SNX14: variants seen among roughly 807,000 people sequenced by gnomAD.
SNX14 encodes the protein sorting nexin-14.
A neutral mutation model predicts 133.8 loss-of-function variants in SNX14; 93 were observed. The observed-to-expected ratio is 0.70, with a 90% confidence interval of 0.59 to 0.83. The LOEUF (loss-of-function observed/expected upper bound fraction) is 0.83, where lower values mean the gene tolerates loss of function less well. SNX14 is among the 40% of genes least tolerant of loss of function. The pLI is 0.00. For missense variants in SNX14, 945 were observed against 1,094.9 expected (o/e 0.86, Z 1.93); for synonymous variants, 368 against 365.6 (o/e 1.01, Z -0.07).
chr6:85,528,324 T>C lies in SNX14; in HGVS notation c.1933A>G (p.Ile645Val), dbSNP rs1444942532. The change falls in exon 20 of 29, where the codon ATT becomes GTT. Residue 645 changes from isoleucine (I) to valine (V), a missense_variant. Coordinates refer to ENST00000314673, the MANE Select transcript of SNX14 (RefSeq NM_153816.6). ...AAGAATTCATAATTTTTGGGGCCAATGATCCTCTTAGAAGGAAGCTGGGCA... is the reference window on the plus strand; with the variant it reads ...AAGAATTCATAATTTTTGGGGCCAACGATCCTCTTAGAAGGAAGCTGGGCA... Reference protein sequence around the residue: ...PDAQLPSKRIIGPKNYEFLKS... With the variant: ...PDAQLPSKRIVGPKNYEFLKS... 7 of 1,613,322 alleles carry C rather than the reference T, an allele frequency of 4.3e-6. No homozygotes were observed. The highest frequency in any genetic ancestry group is 5.9e-6 in the Non-Finnish European group (7 of 1,179,664).
At chr6:85,528,984 G>A (rs1210747121) in intron 19 of SNX14, among the ~76,000 whole-genome samples, 1 of 151,348 alleles carries the variant, frequency 6.6e-6, no homozygotes, top group Non-Finnish European at 1.5e-5. Flanking sequence ...CCTGAGAGGT[G>A]GAGGTTGCTG....
intron 18 of SNX14, among the ~76,000 whole-genome samples, chr6:85,532,573 T>A (rs181977490): frequency 6.6e-6 from 1 of 152,342 alleles, no homozygotes. Context: ...ATTGCCACTT[T>A]TTTTCCTTCT....
At chr6:85,514,677 T>G (rs370786804) in intron 23 of SNX14, 48 bp from the exon 24 acceptor site, 1 of 1,559,688 alleles carries the variant, frequency 6.4e-7, no homozygotes, top group African/African-American at 1.4e-5. Flanking sequence ...TTATTACATC[T>G]GCTGACGATA....
At position 85,572,487 on chromosome 6, in the gene SNX14, T is replaced by C; in HGVS notation, c.262-113A>G. 3 of 792,906 alleles carry C rather than the reference T, an allele frequency of 3.8e-6. No homozygotes were observed. In the South Asian group the frequency reaches 5.4e-5, roughly 14 times the overall value. The allele number at this position is 792,906 out of a possible 1,614,324, so 49.1% of individuals were successfully genotyped here. On this transcript the variant is annotated intron_variant, in intron 2 of 28. Coordinates refer to ENST00000314673, the MANE Select transcript of SNX14 (RefSeq NM_153816.6). ...AATCAATGTATAAATTCAAAGAACA[T>C]TTTTTGTCTACTTTAACAGTGAAAT...
intron 6 of SNX14, chr6:85,561,445 T>C (rs1224654411): frequency 6.6e-6 from 1 of 152,242 alleles, no homozygotes; most frequent in African/African-American, 2.4e-5. Flanking sequence ...AAAATTAATT[T>C]TGATAAATCA....
intron 26 of SNX14, among the ~76,000 whole-genome samples, chr6:85,509,106 G>T (rs891402228): frequency 3.3e-5 from 5 of 152,118 alleles, no homozygotes; most frequent in African/African-American, 1.2e-4. Context: ...CATCCTTCAG[G>T]TGTCACTAAG....
At chr6:85,576,729 G>A (rs1362096031) in intron 1 of SNX14, among the ~76,000 whole-genome samples, 3 of 152,138 alleles carry the variant, frequency 2.0e-5, no homozygotes, top group African/African-American at 7.2e-5. Flanking sequence ...TGTGTTTCTG[G>A]GGCCCAGCTA....
intron 19 of SNX14, among the ~76,000 whole-genome samples, 188 bp downstream of exon 19, chr6:85,530,004 C>G (rs1353089946): frequency 6.6e-6 from 1 of 151,998 alleles, no homozygotes; most frequent in Non-Finnish European, 1.5e-5. Context: ...ATTGCAAGAA[C>G]TTTAAATATA....
At chr6:85,524,873 C>T (rs1778078302) in intron 21 of SNX14, among the ~76,000 whole-genome samples, 1 of 151,734 alleles carries the variant, frequency 6.6e-6, no homozygotes, top group Non-Finnish European at 1.5e-5. Flanking sequence ...TGGAGGCATG[C>T]CAGGGGTTTA....
Position 85,533,609 on chromosome 6 carries a change from A to T in SNX14, c.1800T>A (p.Asp600Glu). ...CAGAAAGCTTCCTACCTGCTCTTCT[A>T]TCATTTCTTTCAACATCAATACAAA... Reference protein sequence around the residue: ...PVFCIDVERNDRRAVGHEPEH... With the variant: ...PVFCIDVERNERRAVGHEPEH... Residue 600 changes from aspartate (D) to glutamate (E), a missense_variant, in exon 18 of 29, where the codon GAT (aspartate) becomes GAA (glutamate). Transcript: ENST00000314673. The T allele has an allele frequency of 6.2e-7, 1 of 1,612,938 alleles. No individual in the cohort carries two copies. The highest frequency in any genetic ancestry group is 1.1e-5 in the South Asian group (1 of 91,026).
At chr6:85,549,648 C>T in intron 8 of SNX14, 75 bp downstream of exon 8, 3 of 1,329,082 alleles carry the variant, frequency 2.3e-6, no homozygotes, top group Non-Finnish European at 3.0e-6. Flanking sequence ...TAGCATATGC[C>T]TATCATAACC....
chr6:85,537,225 G>A (rs549121649), intron 16 of SNX14, among the ~76,000 whole-genome samples: 1 of 152,074 alleles, frequency 6.6e-6, no homozygotes, highest in South Asian at 2.1e-4. Context: ...ATTTTTAAAA[G>A]ATGAGAGCCC....
At position 85,513,860 on chromosome 6, in the gene SNX14, G is replaced by A. The variant is rs1230523492; in HGVS notation, c.2593C>T (p.Leu865Phe). The A allele has an allele frequency of 1.2e-6, 2 of 1,612,956 alleles. No individual in the cohort carries two copies. Among genetic ancestry groups the A allele is most frequent in the Non-Finnish European group, 1.7e-6 (2 of 1,179,818 alleles). Reference protein sequence around the residue: ...IFCENTEPRSLQDKQKGAKQT... With the variant: ...IFCENTEPRSFQDKQKGAKQT... The stretch of plus-strand genomic sequence containing the variant: ...TTTGCTCCTTTTTGCTTATCTTGGA[G>A]AGAGCGAGGTTCAGTGTTTTCACAG... Residue 865 changes from leucine (L) to phenylalanine (F), a missense_variant, in exon 26 of 29, where the codon CTC (leucine) becomes TTC (phenylalanine). Leu to Phe is a conservative substitution (Grantham distance 22). This residue lies in a region of SNX14 where 412 missense variants were observed against 516.6 expected (regional missense o/e 0.80). Transcript: ENST00000314673.
chr6:85,514,651 TAAAG>T, intron 23 of SNX14, 22 bp from the exon 24 acceptor site: 1 of 1,594,310 alleles, frequency 6.3e-7, no homozygotes, highest in Non-Finnish European at 8.6e-7. Context: ...GTTGGAATAA[TAAAG>T]AGATATATAG....
chr6:85,585,164 T>G (rs1302691289), intron 1 of SNX14, among the ~76,000 whole-genome samples: 3 of 152,076 alleles, frequency 2.0e-5, no homozygotes, highest in Admixed American at 2.0e-4. Flanking sequence ...ATGTTCTTAC[T>G]CATAAGTGGG....
chr6:85,563,463 C>T (rs748839009), intron 6 of SNX14, among the ~76,000 whole-genome samples: 3 of 152,146 alleles, frequency 2.0e-5, no homozygotes, highest in Admixed American at 6.5e-5. Flanking sequence ...ACGATCTCGG[C>T]TCATTACAAC....
chr6:85,518,343 A>C (rs929101562), intron 21 of SNX14, among the ~76,000 whole-genome samples: 1 of 152,176 alleles, frequency 6.6e-6, no homozygotes, highest in African/African-American at 2.4e-5. Flanking sequence ...TTTATTACAT[A>C]ATTTTGTCTA....
intron 16 of SNX14, among the ~76,000 whole-genome samples, chr6:85,537,768 G>A (rs1192455577): frequency 6.6e-6 from 1 of 152,164 alleles, no homozygotes; most frequent in African/African-American, 2.4e-5. Flanking sequence ...GGCCAACATG[G>A]CGAAACTGCG....
intron 23 of SNX14, among the ~76,000 whole-genome samples, chr6:85,516,826 CAGGGTTTCACCA>C: frequency 6.6e-6 from 1 of 152,076 alleles, no homozygotes; most frequent in African/African-American, 2.4e-5. Context: ...TCAGTAGAGG[CAGGGTTTCACCA>C]AGGTGGCCAG....
Sources: allele counts gnomAD v4.1 joint callset (sites outside exome capture counted in the v4.1 genomes callset), GRCh38; gene constraint gnomAD v4.1.1; regional missense constraint gnomAD v4.1.1; transcripts MANE v1.5; gene names NCBI Gene and HGNC (gene_info 2026-07-23, HGNC 2026-07-21).